RELL1: variants seen among roughly 807,000 people sequenced by gnomAD.
RELL1 encodes RELT-like protein 1.
In RELL1, 10 loss-of-function variants were observed where a neutral mutation model predicts 23.0. The ratio of observed to expected loss-of-function variants is 0.43; its 90% CI spans 0.27 to 0.74. RELL1 has a LOEUF of 0.74. RELL1 is among the 30% of genes least tolerant of loss of function. The pLI is 0.19. For synonymous variants in RELL1, 146 were observed against 146.8 expected (o/e 0.99, Z 0.04); for missense variants, 315 against 364.4 (o/e 0.86, Z 1.10).
chr4:37,668,859 T>C (rs1409295162), intron 1 of RELL1, among the ~76,000 whole-genome samples: 2 of 146,602 alleles, frequency 1.4e-5, no homozygotes, highest in African/African-American at 5.3e-5. Flanking sequence ...GGAGCGCCTC[T>C]GCCCTGTCGC....
intron 6 of RELL1, among the ~76,000 whole-genome samples, chr4:37,630,525 C>A (rs1390401688): frequency 1.3e-5 from 2 of 151,722 alleles, no homozygotes; most frequent in African/African-American, 4.8e-5. Context: ...CCACTACGCC[C>A]GGCTACTTTT....
intron 6 of RELL1, among the ~76,000 whole-genome samples, chr4:37,593,080 A>G (rs551812043): frequency 6.6e-6 from 1 of 152,336 alleles, no homozygotes; most frequent in Non-Finnish European, 1.5e-5. Flanking sequence ...GGTCACTCAG[A>G]GCCCTTAAAA....
intron 1 of RELL1, among the ~76,000 whole-genome samples, chr4:37,667,974 GA>G (rs935707538): frequency 1.7e-4 from 24 of 142,406 alleles, no homozygotes; most frequent in South Asian, 2.2e-4. Context: ...AATGTTAAGT[GA>G]AAAAAAAACA....
intron 3 of RELL1, among the ~76,000 whole-genome samples, chr4:37,640,017 A>G (rs2109270760): frequency 6.6e-6 from 1 of 152,286 alleles, no homozygotes; most frequent in South Asian, 2.1e-4. Flanking sequence ...CAGATATATT[A>G]TATACTCAGT....
At chr4:37,649,252 A>G (rs367811143) in intron 2 of RELL1, 24 bp downstream of exon 2, 203 of 1,586,710 alleles carry the variant, frequency 1.3e-4, no homozygotes, top group Non-Finnish European at 1.6e-4. Context: ...CTCACCCCCA[A>G]TAAAAAGAGC....
At chr4:37,659,454 G>C (rs1189488617) in intron 1 of RELL1, among the ~76,000 whole-genome samples, 1 of 152,188 alleles carries the variant, frequency 6.6e-6, no homozygotes, top group East Asian at 1.9e-4. Flanking sequence ...GAGGAGCCGA[G>C]ACAGAATGGC....
At chr4:37,677,930 C>T (rs895446271) in intron 1 of RELL1, among the ~76,000 whole-genome samples, 2 of 152,214 alleles carry the variant, frequency 1.3e-5, no homozygotes, top group African/African-American at 4.8e-5. Context: ...CGAGATCACA[C>T]CATTGCACTC....
At chr4:37,620,263 T>A (rs1719722418) in intron 6 of RELL1, among the ~76,000 whole-genome samples, 1 of 152,244 alleles carries the variant, frequency 6.6e-6, no homozygotes, top group South Asian at 2.1e-4. Flanking sequence ...CTTACAGTTT[T>A]GAATCTTCTG....
intron 1 of RELL1, among the ~76,000 whole-genome samples, chr4:37,668,224 CT>C (rs929548984): frequency 5.3e-5 from 8 of 149,980 alleles, no homozygotes; most frequent in Non-Finnish European, 1.0e-4. Context: ...CCCCCTCCCC[CT>C]CTCCCTCTCC....
downstream of RELL1, among the ~76,000 whole-genome samples, chr4:37,589,355 A>G (rs527430652): frequency 8.5e-5 from 13 of 152,360 alleles, no homozygotes; most frequent in East Asian, 2.3e-3. Context: ...AGACCTATAT[A>G]TAAATAAGCT....
intron 1 of RELL1, among the ~76,000 whole-genome samples, chr4:37,651,934 C>G (rs988336718): frequency 2.0e-5 from 3 of 152,224 alleles, no homozygotes; most frequent in Non-Finnish European, 4.4e-5. Flanking sequence ...AGCTTGGGAA[C>G]TGCTGAAAGT....
At chr4:37,669,071 C>T (rs1394326792) in intron 1 of RELL1, among the ~76,000 whole-genome samples, 1 of 134,116 alleles carries the variant, frequency 7.5e-6, no homozygotes, top group Non-Finnish European at 1.6e-5. Flanking sequence ...GTCAGCCCCC[C>T]GCCTGGCCAG....
downstream of RELL1, among the ~76,000 whole-genome samples, chr4:37,607,522 G>C (rs191102004): frequency 4.0e-5 from 6 of 151,488 alleles, no homozygotes; most frequent in East Asian, 1.2e-3. Flanking sequence ...TTAATGAACC[G>C]TACGTGTGTG....
intron 1 of RELL1, among the ~76,000 whole-genome samples, chr4:37,674,470 T>C (rs1437797269): frequency 6.6e-6 from 1 of 152,218 alleles, no homozygotes; most frequent in Non-Finnish European, 1.5e-5. Context: ...TTTCTTTTGG[T>C]GGTTGTTCTG....
At chr4:37,654,860 G>GT (rs1721070250) in intron 1 of RELL1, among the ~76,000 whole-genome samples, 1 of 151,858 alleles carries the variant, frequency 6.6e-6, no homozygotes, top group East Asian at 1.9e-4. Context: ...GATCCAACTA[G>GT]TTTTTTTAAA....
chr4:37,601,066 G>A (rs1358881745), intron 6 of RELL1, among the ~76,000 whole-genome samples: 1 of 152,170 alleles, frequency 6.6e-6, no homozygotes, highest in Non-Finnish European at 1.5e-5. Context: ...TCCTTAGCTG[G>A]TAGATCTGGG....
Position 37,641,398 on chromosome 4 carries a change from G to A in RELL1, c.386-2894C>T, listed in dbSNP as rs190375367. Among the ~76,000 whole-genome samples the A allele has an allele frequency of 2.4e-4, 37 of 152,258 alleles. No individual in the cohort carries two copies. The East Asian group carries it at 6.8e-3, about 28-fold the overall frequency. On this transcript the variant is annotated intron_variant, in intron 3 of 6. Transcript: ENST00000454158. ...GAAGGTTTTCTAATATAACACCACC[G>A]TTAGGACTGAAACACATGCCTTAAT...
intron 1 of RELL1, among the ~76,000 whole-genome samples, chr4:37,683,485 G>A (rs1247172221): frequency 6.6e-6 from 1 of 152,168 alleles, no homozygotes; most frequent in East Asian, 1.9e-4. Context: ...GGCTGGGCGC[G>A]GTGGCTCACA....
intron 6 of RELL1, among the ~76,000 whole-genome samples, chr4:37,595,244 C>A (rs1452571814): frequency 6.6e-6 from 1 of 152,184 alleles, no homozygotes; most frequent in Non-Finnish European, 1.5e-5. Context: ...TCAGGTTATA[C>A]AAACCACACC....
Sources: gnomAD v4.1 joint callset for allele counts (sites outside exome capture counted in the v4.1 genomes callset) on GRCh38, gnomAD v4.1.1 for gene constraint, MANE v1.5 for transcripts, NCBI Gene and HGNC (gene_info 2026-07-23, HGNC 2026-07-21) for gene names.